The following PDE4D variants were observed in gnomAD, a reference collection of about 807,000 sequenced individuals.
PDE4D encodes the protein 3',5'-cyclic-AMP phosphodiesterase 4D.
In PDE4D, 24 loss-of-function variants were observed where a neutral mutation model predicts 87.4. That is an observed-to-expected ratio of 0.27 (90% CI 0.20 to 0.39). The LOEUF (loss-of-function observed/expected upper bound fraction) is 0.39, where lower values mean the gene tolerates loss of function less well. Among genes scored for constraint, PDE4D ranks in the 10% least tolerant of loss-of-function variants. The pLI is 1.00. For synonymous variants in PDE4D, 384 were observed against 383.2 expected, an observed-to-expected ratio of 1.00 and a Z score of -0.02; for missense variants, 714 against 1,041.0, an observed-to-expected ratio of 0.69 and a Z score of 4.32.
intron 1 of PDE4D, among the ~76,000 whole-genome samples, chr5:59,462,371 C>G (rs1410637171): frequency 2.6e-5 from 4 of 151,898 alleles, no homozygotes; most frequent in Admixed American, 6.6e-5. Context: ...TGTCTTGGCT[C>G]AAGTTGTTGG....
intron 1 of PDE4D, among the ~76,000 whole-genome samples, chr5:60,416,719 A>G (rs548085980): frequency 6.6e-6 from 1 of 152,298 alleles, no homozygotes; most frequent in African/African-American, 2.4e-5. Context: ...GAGCCCACCA[A>G]TTCTGGACAC....
intron 5 of PDE4D, among the ~76,000 whole-genome samples, chr5:59,089,075 C>G (rs1197139889): frequency 6.6e-6 from 1 of 152,214 alleles, no homozygotes; most frequent in Non-Finnish European, 1.5e-5. Context: ...GGGAATGGAG[C>G]AATGCCTTGC....
chr5:60,347,350 A>G (rs1171168298), intron 1 of PDE4D, among the ~76,000 whole-genome samples: 2 of 152,182 alleles, frequency 1.3e-5, no homozygotes, highest in Non-Finnish European at 2.9e-5. Flanking sequence ...TAGGAGCCAG[A>G]TCATGCAGAC....
intron 1 of PDE4D, among the ~76,000 whole-genome samples, chr5:59,384,140 G>A (rs1019792587): frequency 5.9e-5 from 9 of 152,050 alleles, no homozygotes; most frequent in African/African-American, 1.7e-4. Context: ...TCCTGGACTC[G>A]AGCAATCCTC....
chr5:59,923,580 C>T (rs1287935021), intron 3 of PDE4D, among the ~76,000 whole-genome samples: 1 of 152,162 alleles, frequency 6.6e-6, no homozygotes, highest in Non-Finnish European at 1.5e-5. Context: ...CCTAGTAATC[C>T]AGAGAATTCT....
At chr5:60,215,323 G>A (rs895165516) in intron 1 of PDE4D, among the ~76,000 whole-genome samples, 8 of 152,218 alleles carry the variant, frequency 5.3e-5, no homozygotes, top group Admixed American at 3.3e-4. Context: ...GTAGAGCAGA[G>A]GTTAAGGCTA....
At chr5:60,358,601 A>G (rs1221680452) in intron 1 of PDE4D, among the ~76,000 whole-genome samples, 1 of 152,108 alleles carries the variant, frequency 6.6e-6, no homozygotes, top group Non-Finnish European at 1.5e-5. Flanking sequence ...TTCCCAACCC[A>G]TGTCACCCAT....
chr5:59,601,269 G>T (rs191175086), intron 1 of PDE4D, among the ~76,000 whole-genome samples: 6 of 152,194 alleles, frequency 3.9e-5, no homozygotes, highest in African/African-American at 1.4e-4. Context: ...TATAATCCAA[G>T]AAGTCATTTC....
At chr5:59,561,278 T>C (rs1819933465) in intron 1 of PDE4D, among the ~76,000 whole-genome samples, 1 of 152,198 alleles carries the variant, frequency 6.6e-6, no homozygotes, top group Non-Finnish European at 1.5e-5. Flanking sequence ...AGTGGGGTCG[T>C]CCGTTATTGG....
intron 1 of PDE4D, among the ~76,000 whole-genome samples, chr5:59,741,115 C>T (rs1390452906): frequency 6.6e-6 from 1 of 152,158 alleles, no homozygotes; most frequent in Non-Finnish European, 1.5e-5. Flanking sequence ...CAATCTCCTT[C>T]CGTCCCCATC....
chr5:60,326,813 C>T (rs1756837162), intron 1 of PDE4D, among the ~76,000 whole-genome samples: 1 of 152,084 alleles, frequency 6.6e-6, no homozygotes, highest in Admixed American at 6.6e-5. Flanking sequence ...TTTAGAACTG[C>T]AGGCTTCGGT....
chr5:59,798,631 TA>T (rs1766781394), intron 1 of PDE4D, among the ~76,000 whole-genome samples: 1 of 152,194 alleles, frequency 6.6e-6, no homozygotes, highest in Non-Finnish European at 1.5e-5. Context: ...ACCTTCCATA[TA>T]GAAATCACTG....
chr5:59,984,752 G>A (rs1762248526), intron 3 of PDE4D, among the ~76,000 whole-genome samples: 1 of 152,082 alleles, frequency 6.6e-6, no homozygotes, highest in African/African-American at 2.4e-5. Context: ...GCCATACTGT[G>A]GCTTTCTAAA....
intron 1 of PDE4D, among the ~76,000 whole-genome samples, chr5:59,390,298 G>T (rs991769341): frequency 6.6e-6 from 1 of 152,054 alleles, no homozygotes. Flanking sequence ...AATTTCTCAA[G>T]AAGTTATTTC....
chr5:59,698,033 A>G lies in PDE4D; in HGVS notation c.455+195135T>C, dbSNP rs980699742. On this transcript the variant is annotated intron_variant, in intron 1 of 14. Coordinates refer to ENST00000340635, the MANE Select transcript of PDE4D (RefSeq NM_001104631.2). ...AAGCAGTTTAGTCTAGTGAAGATTC[A>G]GACCCATAAAATAAATGGAGTTTAA... Among the ~76,000 whole-genome samples the G allele has an allele frequency of 2.6e-5, 4 of 152,214 alleles. No individual in the cohort carries two copies. The South Asian group carries it at 8.3e-4, about 32-fold the overall frequency.
intron 5 of PDE4D, among the ~76,000 whole-genome samples, chr5:59,046,795 A>C (rs1760777389): frequency 6.6e-6 from 1 of 152,236 alleles, no homozygotes; most frequent in South Asian, 2.1e-4. Flanking sequence ...TTTTATAAGA[A>C]TAAGGAGGCC....
At chr5:59,849,253 A>G (rs1401596122) in intron 1 of PDE4D, among the ~76,000 whole-genome samples, 4 of 152,054 alleles carry the variant, frequency 2.6e-5, no homozygotes. Context: ...CAAGAAAAAA[A>G]TCATTATTTA....
At chr5:59,594,938 G>A (rs375135279) in intron 1 of PDE4D, among the ~76,000 whole-genome samples, 2 of 151,906 alleles carry the variant, frequency 1.3e-5, no homozygotes, top group South Asian at 4.1e-4. Flanking sequence ...CCACTTTTGT[G>A]GGGGGGATAT....
intron 2 of PDE4D, among the ~76,000 whole-genome samples, chr5:59,999,214 T>C (rs1763799317): frequency 1.3e-5 from 2 of 152,182 alleles, no homozygotes; most frequent in Non-Finnish European, 2.9e-5. Context: ...TCACACCTTA[T>C]GACTTCTCCC....
Sources: gnomAD v4.1 joint callset for allele counts (sites outside exome capture counted in the v4.1 genomes callset) on GRCh38, gnomAD v4.1.1 for gene constraint, MANE v1.5 for transcripts, NCBI Gene and HGNC (gene_info 2026-07-23, HGNC 2026-07-21) for gene names.